Variants in NTN1 observed in about 807,000 individuals in gnomAD.
NTN1 encodes the protein netrin-1.
In NTN1, 11 loss-of-function variants were observed where a neutral mutation model predicts 54.2. The observed-to-expected ratio is 0.20, with a 90% confidence interval of 0.13 to 0.34. The LOEUF (loss-of-function observed/expected upper bound fraction) is 0.34. Ranked by LOEUF, NTN1 falls within the 10% of genes least tolerant of loss-of-function variation. The pLI is 1.00. For missense variants in NTN1, 740 were observed against 893.1 expected (o/e 0.83, Z 2.18); for synonymous variants, 371 against 382.0 (o/e 0.97, Z 0.33).
intron 6 of NTN1, among the ~76,000 whole-genome samples, chr17:9,231,361 C>T (rs926453357): frequency 6.6e-6 from 1 of 152,250 alleles, no homozygotes; most frequent in Non-Finnish European, 1.5e-5. Flanking sequence ...CAAGCCCTGA[C>T]CCCTGAGTCA....
chr17:9,085,188 G>T (rs1161002216), intron 2 of NTN1, among the ~76,000 whole-genome samples: 1 of 152,186 alleles, frequency 6.6e-6, no homozygotes, highest in Non-Finnish European at 1.5e-5. Context: ...GGGGATGCGT[G>T]GGGTAAGTAG....
At position 9,219,058 on chromosome 17, in the gene NTN1, G is replaced by A. The variant is rs1204176388; in HGVS notation, c.1412-2110G>A. 6.6e-6 allele frequency among the ~76,000 whole-genome samples: 1 copy of A among 152,202 alleles called. No individual in the cohort carries two copies. Among genetic ancestry groups the A allele is most frequent in the South Asian group, 2.1e-4 (1 of 4,822 alleles). On this transcript the variant is annotated intron_variant, in intron 5 of 6. Coordinates refer to ENST00000173229, the MANE Select transcript of NTN1 (RefSeq NM_004822.3). The surrounding 1 kb of genome is among the most constrained non-coding windows in gnomAD (Gnocchi z 4.5). ...CAGCCAGCTCACGCAGAATCGCCAG[G>A]ACTTACGCACAACCTGGGTTCAGCC... is the stretch of plus-strand genomic sequence containing the variant.
intron 6 of NTN1, among the ~76,000 whole-genome samples, chr17:9,224,484 A>G (rs1245664199): frequency 6.6e-6 from 1 of 152,178 alleles, no homozygotes; most frequent in African/African-American, 2.4e-5. Context: ...TTATCAGCAA[A>G]GCAGGTAGCA....
At chr17:9,189,509 G>A (rs1904393323) in intron 5 of NTN1, among the ~76,000 whole-genome samples, 1 of 151,992 alleles carries the variant, frequency 6.6e-6, no homozygotes, top group Non-Finnish European at 1.5e-5. Flanking sequence ...GTGCCACTAC[G>A]CCTGGCTAAT....
intron 2 of NTN1, among the ~76,000 whole-genome samples, chr17:9,087,891 C>A (rs971101093): frequency 1.3e-5 from 2 of 152,214 alleles, no homozygotes; most frequent in South Asian, 2.1e-4. Context: ...GATCTAAGTC[C>A]TCCACTGAGT....
intron 6 of NTN1, among the ~76,000 whole-genome samples, chr17:9,230,685 A>T (rs1597551745): frequency 6.8e-6 from 1 of 146,250 alleles, no homozygotes; most frequent in East Asian, 2.1e-4. Flanking sequence ...CTCTGGGGGG[A>T]TGCGGCCCTT....
rs1180902822 is a variant in NTN1, at chr17:9,242,984, T to C, written c.*3016T>C. On this transcript the variant is annotated 3_prime_UTR_variant, in exon 7 of 7. Transcript: ENST00000173229. ...ATTAACCAGAATTGTGCTATGTAGG[T>C]GTTTGTTTGAAGAAAAACATACCAG... is the stretch of plus-strand genomic sequence containing the variant. 1 of 152,182 alleles carries C rather than the reference T, an allele frequency of 6.6e-6. No individual in the cohort carries two copies. Among genetic ancestry groups the C allele is most frequent in the East Asian group, 1.9e-4 (1 of 5,204 alleles). 9.4% of individuals were successfully genotyped at this position (152,182 alleles called of 1,614,324 possible).
intron 2 of NTN1, among the ~76,000 whole-genome samples, chr17:9,063,933 C>T (rs964127532): frequency 3.3e-5 from 5 of 152,078 alleles, no homozygotes; most frequent in African/African-American, 1.2e-4. Flanking sequence ...CCATCTCATT[C>T]GCTTTTCCTT....
At chr17:9,129,211 T>G (rs2092256345) in intron 2 of NTN1, among the ~76,000 whole-genome samples, 1 of 152,138 alleles carries the variant, frequency 6.6e-6, no homozygotes, top group Non-Finnish European at 1.5e-5. Context: ...AGAGGGGGTC[T>G]GCTGGGGACG....
chr17:9,023,114 C>T lies in NTN1; in HGVS notation c.741C>T (p.Ile247=), dbSNP rs1378932977. 2 of 1,566,908 alleles carry T rather than the reference C, an allele frequency of 1.3e-6. No individual in the cohort carries two copies. The highest frequency in any genetic ancestry group is 1.7e-6 in the Non-Finnish European group (2 of 1,156,346). The part of the protein sequence containing the change: ...VLQDWVTATD[I]RVAFSRLHTF... ...AGGACTGGGTCACGGCCACAGACAT[C>T]CGCGTGGCCTTCAGCCGCCTGCACA... The change falls in exon 2 of 7, where the codon ATC becomes ATT. Residue 247 remains isoleucine, a synonymous_variant. Coordinates refer to ENST00000173229, the MANE Select transcript of NTN1 (RefSeq NM_004822.3).
At chr17:9,103,439 T>C (rs1336606945) in intron 2 of NTN1, among the ~76,000 whole-genome samples, 1 of 152,176 alleles carries the variant, frequency 6.6e-6, no homozygotes, top group Admixed American at 6.5e-5. Context: ...GCCTCCGTGC[T>C]GTTCTCATGA....
chr17:9,100,172 A>G (rs1447030017), intron 2 of NTN1, among the ~76,000 whole-genome samples: 2 of 105,274 alleles, frequency 1.9e-5, no homozygotes, highest in Non-Finnish European at 3.9e-5. Flanking sequence ...TGTATATGCT[A>G]TGTGTATATG....
chr17:9,023,250 C>G lies in NTN1; in HGVS notation c.877C>G (p.Arg293Gly). The change falls in exon 2 of 7, where the codon CGC becomes GGC. Residue 293 changes from arginine (R) to glycine (G), a missense_variant. Transcript: ENST00000173229. ...GRCKCNGHAARCVRDRDDSLV... is the reference protein window; with the variant it reads ...GRCKCNGHAAGCVRDRDDSLV... Reference sequence around the variant, plus strand: ...GTGCAAGTGCAACGGCCACGCGGCCCGCTGCGTGCGCGACCGCGACGACAG... The same window carrying G: ...GTGCAAGTGCAACGGCCACGCGGCCGGCTGCGTGCGCGACCGCGACGACAG... 18 of 1,564,658 alleles carry G rather than the reference C, an allele frequency of 1.2e-5. No individual in the cohort carries two copies. Among genetic ancestry groups the G allele is most frequent in the Non-Finnish European group, 1.3e-5 (15 of 1,155,622 alleles).
intron 2 of NTN1, among the ~76,000 whole-genome samples, chr17:9,076,640 T>G (rs2092051008): frequency 6.6e-6 from 1 of 152,238 alleles, no homozygotes; most frequent in Non-Finnish European, 1.5e-5. Flanking sequence ...TCTCCCAAAG[T>G]GCTGGGATTA....
At chr17:9,084,864 G>T (rs2092085283) in intron 2 of NTN1, among the ~76,000 whole-genome samples, 1 of 151,914 alleles carries the variant, frequency 6.6e-6, no homozygotes, top group Admixed American at 6.6e-5. Flanking sequence ...TGTTAGCCAG[G>T]ATGGTCTCGA....
rs1597556129 is a variant in NTN1, at chr17:9,238,519, G to A, written c.1487-1121G>A. On this transcript the variant is annotated intron_variant, in intron 6 of 6. Transcript: ENST00000173229. The stretch of plus-strand genomic sequence containing the variant: ...CCCCTGGTCTGGGGGCAATGATCAT[G>A]TGTCCACCCCCAGCAGGTCCCCAAG... Among the ~76,000 whole-genome samples the A allele has an allele frequency of 2.0e-5, 3 of 152,218 alleles. No individual in the cohort carries two copies. The South Asian group carries it at 6.2e-4, about 32-fold the overall frequency.
intron 2 of NTN1, among the ~76,000 whole-genome samples, chr17:9,113,371 C>G (rs188406673): frequency 6.6e-6 from 1 of 152,160 alleles, no homozygotes; most frequent in Admixed American, 6.5e-5. Flanking sequence ...AGGGTACATA[C>G]TGACCAGTTT....
intron 2 of NTN1, among the ~76,000 whole-genome samples, chr17:9,073,080 G>A (rs1025465075): frequency 1.3e-5 from 2 of 152,242 alleles, no homozygotes; most frequent in Non-Finnish European, 2.9e-5. Context: ...GTAGGCCAGC[G>A]AGGACGAGCG....
intron 5 of NTN1, among the ~76,000 whole-genome samples, chr17:9,204,308 C>CTT (rs71361873): frequency 2.4e-5 from 3 of 124,294 alleles, no homozygotes; most frequent in Non-Finnish European, 4.9e-5. Context: ...CTCTCTCTCT[C>CTT]TTTCTTTCTG....
Sources: allele counts gnomAD v4.1 joint callset (sites outside exome capture counted in the v4.1 genomes callset), GRCh38; gene constraint gnomAD v4.1.1; non-coding constraint Gnocchi (gnomAD v3.1); transcripts MANE v1.5; gene names NCBI Gene and HGNC (gene_info 2026-07-23, HGNC 2026-07-21).